Variants in NRG1 observed in about 807,000 individuals in gnomAD.
NRG1 encodes the protein pro-neuregulin-1, membrane-bound isoform.
In NRG1, 18 loss-of-function variants were observed where a neutral mutation model predicts 63.8. The observed-to-expected ratio is 0.28, with a 90% CI of 0.19 to 0.42. The LOEUF (loss-of-function observed/expected upper bound fraction) is 0.42, where lower values mean the gene tolerates loss of function less well. Among genes scored for constraint, NRG1 ranks in the 10% least tolerant of loss-of-function variants. The pLI is 1.00. For synonymous variants in NRG1, 302 were observed against 301.3 expected (o/e 1.00, Z -0.02); for missense variants, 762 against 814.7 (o/e 0.94, Z 0.79).
At chr8:31,852,673 A>T (rs1827374081) in intron 1 of NRG1, among the ~76,000 whole-genome samples, 1 of 151,986 alleles carries the variant, frequency 6.6e-6, no homozygotes. Flanking sequence ...TTTAGACATG[A>T]AGTCCTTGCC....
intron 1 of NRG1, among the ~76,000 whole-genome samples, chr8:31,905,354 A>C (rs952439474): frequency 6.6e-6 from 1 of 152,178 alleles, no homozygotes; most frequent in African/African-American, 2.4e-5. Flanking sequence ...AACAACATGA[A>C]AATCTTAATT....
At chr8:31,809,741 G>GGTTTTTTTTTTTTTTTTTTTTTTTTATTT (rs1554539613) in intron 1 of NRG1, among the ~76,000 whole-genome samples, 3 of 68,018 alleles carry the variant, frequency 4.4e-5, no homozygotes, top group African/African-American at 6.6e-5. Flanking sequence ...TCTATTAATT[G>GGTTTTTTTTTTTTTTTTTTTTTTTTATTT]TTTTTTTTTT....
intron 1 of NRG1, among the ~76,000 whole-genome samples, chr8:32,156,649 G>A (rs374841556): frequency 1.3e-5 from 2 of 152,186 alleles, no homozygotes; most frequent in Non-Finnish European, 2.9e-5. Context: ...GGCAAAATTT[G>A]GTGTTAAAAG....
At chr8:31,875,599 T>C (rs1264063046) in intron 1 of NRG1, among the ~76,000 whole-genome samples, 1 of 152,156 alleles carries the variant, frequency 6.6e-6, no homozygotes, top group Non-Finnish European at 1.5e-5. Context: ...TTCTCTTTTC[T>C]TCCTGTCTCC....
At chr8:32,487,997 G>C (rs141618682) in intron 1 of NRG1, among the ~76,000 whole-genome samples, 1 of 152,150 alleles carries the variant, frequency 6.6e-6, no homozygotes. Flanking sequence ...ATTAGAAGGG[G>C]TCTTTCTGGA....
At chr8:31,838,002 G>A (rs1825842908) in intron 1 of NRG1, among the ~76,000 whole-genome samples, 3 of 152,024 alleles carry the variant, frequency 2.0e-5, no homozygotes, top group African/African-American at 7.2e-5. Context: ...ACCCAGTAAT[G>A]GGATTGCTGG....
intron 1 of NRG1, among the ~76,000 whole-genome samples, chr8:31,942,748 CAAAAG>C (rs1801942673): frequency 6.6e-6 from 1 of 151,860 alleles, no homozygotes; most frequent in Non-Finnish European, 1.5e-5. Context: ...AGACAATTCT[CAAAAG>C]AAGACATACA....
intron 1 of NRG1, among the ~76,000 whole-genome samples, chr8:31,715,516 A>C (rs1585874307): frequency 6.6e-6 from 1 of 152,324 alleles, no homozygotes; most frequent in East Asian, 1.9e-4. Flanking sequence ...AATATAATTG[A>C]ATCAAAGAAA....
At chr8:31,821,569 T>G (rs1824008793) in intron 1 of NRG1, among the ~76,000 whole-genome samples, 1 of 152,180 alleles carries the variant, frequency 6.6e-6, no homozygotes, top group African/African-American at 2.4e-5. Flanking sequence ...TGTGGGCACA[T>G]TTTTGGACCC....
At chr8:32,515,445 TTTTTGTTTTG>T (rs144657045) in intron 1 of NRG1, among the ~76,000 whole-genome samples, 24,644 of 152,006 alleles carry the variant, frequency 0.16, 2,038 homozygotes, top group South Asian at 0.19. Context: ...TTGCCCAGTT[TTTTTGTTTTG>T]TTTTGTTTTG....
At chr8:32,488,351 A>G (rs1826150320) in intron 1 of NRG1, among the ~76,000 whole-genome samples, 1 of 152,230 alleles carries the variant, frequency 6.6e-6, no homozygotes, top group Non-Finnish European at 1.5e-5. Context: ...AAGACTGGGA[A>G]GGTGCAAGTA....
chr8:32,230,482 A>G (rs1432203086), intron 1 of NRG1, among the ~76,000 whole-genome samples: 1 of 152,146 alleles, frequency 6.6e-6, no homozygotes, highest in Non-Finnish European at 1.5e-5. Flanking sequence ...ACCCATGGCA[A>G]GGAAGAAATT....
At chr8:32,194,155 C>A (rs1000715255) in intron 1 of NRG1, among the ~76,000 whole-genome samples, 3 of 152,164 alleles carry the variant, frequency 2.0e-5, no homozygotes, top group African/African-American at 4.8e-5. Flanking sequence ...GAATCCAAAG[C>A]CCCTAGCTGT....
At chr8:31,873,564 C>T (rs1388267743) in intron 1 of NRG1, among the ~76,000 whole-genome samples, 1 of 151,946 alleles carries the variant, frequency 6.6e-6, no homozygotes, top group Non-Finnish European at 1.5e-5. Flanking sequence ...GTCTGAAAAA[C>T]AAAACAAAAC....
intron 1 of NRG1, among the ~76,000 whole-genome samples, chr8:32,020,223 T>C (rs1457148163): frequency 1.3e-5 from 2 of 152,200 alleles, no homozygotes; most frequent in African/African-American, 4.8e-5. Flanking sequence ...TATGCATGTT[T>C]CATTAGATTT....
At chr8:31,931,611 G>C (rs1302592115) in intron 1 of NRG1, among the ~76,000 whole-genome samples, 1 of 152,122 alleles carries the variant, frequency 6.6e-6, no homozygotes, top group African/African-American at 2.4e-5. Context: ...ATTATTGTCT[G>C]AAAAAATAAA....
intron 1 of NRG1, among the ~76,000 whole-genome samples, chr8:32,319,820 C>T (rs913529350): frequency 6.6e-6 from 1 of 151,990 alleles, no homozygotes; most frequent in Admixed American, 6.6e-5. Context: ...ATTATCTCTA[C>T]TTTTTTACTT....
chr8:32,414,016 T>G (rs779307290), intron 1 of NRG1, among the ~76,000 whole-genome samples: 2 of 151,372 alleles, frequency 1.3e-5, no homozygotes, highest in Non-Finnish European at 2.9e-5. Context: ...AAAGAGGGAG[T>G]TATTTATAAA....
chr8:32,534,586 T>G (rs1304683855), intron 1 of NRG1, among the ~76,000 whole-genome samples: 1 of 152,180 alleles, frequency 6.6e-6, no homozygotes, highest in African/African-American at 2.4e-5. Flanking sequence ...ATATGAGTTC[T>G]GGTGCCACAG....
Sources: gnomAD v4.1 joint callset for allele counts (sites outside exome capture counted in the v4.1 genomes callset) on GRCh38, gnomAD v4.1.1 for gene constraint, MANE v1.5 for transcripts, NCBI Gene and HGNC (gene_info 2026-07-23, HGNC 2026-07-21) for gene names.